Variants in DEPDC5 observed in about 807,000 individuals in gnomAD.
DEPDC5 encodes GATOR1 complex protein DEPDC5.
DEPDC5 carries 73 observed loss-of-function variants against 217.3 expected under a neutral mutation model. The observed-to-expected ratio is 0.34, with a 90% CI of 0.28 to 0.41. The LOEUF (loss-of-function observed/expected upper bound fraction) is 0.41. Ranked by LOEUF, DEPDC5 falls within the 10% of genes least tolerant of loss-of-function variation. DEPDC5 has a pLI of 1.00. For synonymous variants in DEPDC5, 733 were observed against 756.7 expected (o/e 0.97, Z 0.51); for missense variants, 1,675 against 2,070.1 (o/e 0.81, Z 3.70).
In DEPDC5 at chr22:31,815,209, C is replaced by T. The variant is rs587776973; in HGVS notation, c.1663C>T (p.Arg555Ter). ...VSSSLGYTST[R>*]DVLENMMEPP... ...CAGCTCCTTGGGATACACCAGCACT[C>T]GAGGTAAGAGTGCTGAAGCACAGAC... is the stretch of plus-strand genomic sequence containing the variant. Residue 555 changes from arginine (R) to a stop codon, truncating the protein, a stop_gained, in exon 21 of 43, where the codon CGA becomes TGA. Coordinates refer to ENST00000651528, the MANE Select transcript of DEPDC5 (RefSeq NM_001242896.3). LOFTEE classifies it high-confidence loss of function. The T allele has an allele frequency of 1.2e-6, 2 of 1,613,908 alleles. No individual in the cohort carries two copies. Among genetic ancestry groups the T allele is most frequent in the Non-Finnish European group, 1.7e-6 (2 of 1,180,028 alleles).
chr22:31,803,581 A>C (rs1015915819), intron 15 of DEPDC5, among the ~76,000 whole-genome samples: 1 of 151,966 alleles, frequency 6.6e-6, no homozygotes, highest in Non-Finnish European at 1.5e-5. Flanking sequence ...TGTGCCTCGT[A>C]TCCCCAACTC....
chr22:31,797,810 GT>G, intron 13 of DEPDC5, 107 bp downstream of exon 13: 1 of 863,034 alleles, frequency 1.2e-6, no homozygotes, highest in Admixed American at 2.1e-5. Flanking sequence ...GCCGTGTGTA[GT>G]TTCTGCTTTT....
At position 31,771,663 on chromosome 22, in the gene DEPDC5, T is replaced by C. The variant is rs1468390804; in HGVS notation, c.413+2800T>C. On this transcript the variant is annotated intron_variant, in intron 7 of 42. Coordinates refer to ENST00000651528, the MANE Select transcript of DEPDC5 (RefSeq NM_001242896.3). ...TGAACCAGGGAGTCAGAGGTTGCAG[T>C]GAGCCGAGATCACACCACTGCACTC... Among the ~76,000 whole-genome samples the C allele has an allele frequency of 4.9e-5, 7 of 143,590 alleles. No homozygotes were observed. In the East Asian group the frequency reaches 8.3e-4, roughly 17 times the overall value. 94.2% of individuals were successfully genotyped at this position (143,590 alleles called of 152,430 possible).
rs571959540 is a variant in DEPDC5, at chr22:31,810,733, A to T, written c.1445+92A>T. 72 of 1,544,646 alleles carry T rather than the reference A, an allele frequency of 4.7e-5. 2 individuals carry two copies. The South Asian group carries it at 8.1e-4, about 17-fold the overall frequency. On this transcript the variant is annotated intron_variant, in intron 20 of 42. Coordinates refer to ENST00000651528, the MANE Select transcript of DEPDC5 (RefSeq NM_001242896.3). ...GACCTCTAAGAGAGCAACCTTGAAA[A>T]TCTTGTTTTGTTTTGTTTTGTTTCG...
At chr22:31,834,062 T>C in intron 25 of DEPDC5, 82 bp downstream of exon 25, 1 of 1,397,396 alleles carries the variant, frequency 7.2e-7, no homozygotes. Flanking sequence ...GAGGAAGCCC[T>C]GTGGGAAGTG....
At chr22:31,897,408 T>C (rs1280531764) in intron 39 of DEPDC5, 74 bp from the exon 40 acceptor site, 6 of 1,529,408 alleles carry the variant, frequency 3.9e-6, no homozygotes, top group Non-Finnish European at 5.3e-6. Flanking sequence ...TGGCGGGTTT[T>C]CTCCTTGGGA....
intron 12 of DEPDC5, among the ~76,000 whole-genome samples, chr22:31,797,368 A>T (rs1295130098): frequency 6.6e-6 from 1 of 152,180 alleles, no homozygotes; most frequent in Non-Finnish European, 1.5e-5. Context: ...GTGAAGCAGG[A>T]GAAAGAGCGA....
At chr22:31,763,586 A>G (rs1022834891) in intron 4 of DEPDC5, among the ~76,000 whole-genome samples, 3 of 151,442 alleles carry the variant, frequency 2.0e-5, no homozygotes, top group Non-Finnish European at 4.4e-5. Flanking sequence ...CTAAGACCCC[A>G]GACGCCCAGC....
chr22:31,795,821 C>G (rs1393007251), intron 12 of DEPDC5, among the ~76,000 whole-genome samples: 1 of 151,610 alleles, frequency 6.6e-6, no homozygotes, highest in East Asian at 1.9e-4. Context: ...ACCTCCGCCT[C>G]CCGGATGCAA....
At chr22:31,888,171 A>C (rs2093357755) in intron 38 of DEPDC5, among the ~76,000 whole-genome samples, 1 of 150,474 alleles carries the variant, frequency 6.6e-6, no homozygotes, top group Non-Finnish European at 1.5e-5. Context: ...CTGAGACTCT[A>C]GAAGCAGCAG....
chr22:31,798,214 T>C (rs2086474066), intron 13 of DEPDC5, among the ~76,000 whole-genome samples: 2 of 151,052 alleles, frequency 1.3e-5, no homozygotes, highest in African/African-American at 4.9e-5. Flanking sequence ...TGAGCCACCA[T>C]GCTCAGCTGC....
At chr22:31,760,771 C>T in intron 4 of DEPDC5, 69 bp downstream of exon 4, 2 of 1,348,114 alleles carry the variant, frequency 1.5e-6, no homozygotes, top group Non-Finnish European at 2.1e-6. Flanking sequence ...AATCTCTCTT[C>T]ATAATTTCAA....
rs1159993623 is a variant in DEPDC5 at position 31,781,248 on chromosome 22, CAAAG to C, written c.484-2656_484-2653del. ...AAACAAACAAACAAAAAAAAAAAAA[CAAAG>C]AATTTATTATCTGATTAGAGAAACA... On this transcript the variant is annotated intron_variant, in intron 8 of 42. Coordinates refer to ENST00000651528, the MANE Select transcript of DEPDC5 (RefSeq NM_001242896.3). Among the ~76,000 whole-genome samples, 19 of 148,236 alleles carry C rather than the reference CAAAG, an allele frequency of 1.3e-4. No homozygotes were observed. The East Asian group carries it at 2.0e-3, about 15-fold the overall frequency.
At chr22:31,851,945 C>T (rs556896074) in intron 31 of DEPDC5, among the ~76,000 whole-genome samples, 3 of 152,248 alleles carry the variant, frequency 2.0e-5, no homozygotes, top group South Asian at 2.1e-4. Context: ...AATCCCAGCA[C>T]GTTGGGAGAC....
At chr22:31,758,458 C>A in intron 2 of DEPDC5, 88 bp from the exon 3 acceptor site, 1 of 1,203,178 alleles carries the variant, frequency 8.3e-7, no homozygotes, top group Non-Finnish European at 1.2e-6. Flanking sequence ...GCAATACCAT[C>A]CTGATGGGGT....
At chr22:31,877,458 A>AAC (rs2093031195) in intron 37 of DEPDC5, among the ~76,000 whole-genome samples, 1 of 146,278 alleles carries the variant, frequency 6.8e-6, no homozygotes, top group Admixed American at 6.8e-5. Flanking sequence ...AAAAAAAAAA[A>AAC]AAAAAAAAAC....
At chr22:31,767,419 C>T (rs138792015) in intron 6 of DEPDC5, among the ~76,000 whole-genome samples, 68 of 152,252 alleles carry the variant, frequency 4.5e-4, no homozygotes, top group African/African-American at 1.3e-3. Context: ...CCTCAGCCTC[C>T]GCAGTAGCTG....
intron 8 of DEPDC5, among the ~76,000 whole-genome samples, chr22:31,778,749 G>C (rs1033747942): frequency 6.6e-6 from 1 of 152,144 alleles, no homozygotes; most frequent in Admixed American, 6.6e-5. Context: ...CATGAAGAGA[G>C]ACCTTTGCCA....
chr22:31,820,936 C>T (rs535512149), intron 22 of DEPDC5, among the ~76,000 whole-genome samples: 29 of 152,320 alleles, frequency 1.9e-4, no homozygotes, highest in Admixed American at 1.4e-3. Flanking sequence ...TGGGATTTCA[C>T]AGGTATCATT....
Sources: gnomAD v4.1 joint callset for allele counts (sites outside exome capture counted in the v4.1 genomes callset) on GRCh38, gnomAD v4.1.1 for gene constraint, MANE v1.5 for transcripts, NCBI Gene and HGNC (gene_info 2026-07-23, HGNC 2026-07-21) for gene names.